EML4: variants seen among roughly 807,000 people sequenced by gnomAD.
EML4 encodes EMAP like 4, also known as echinoderm microtubule-associated protein-like 4.
In EML4, 72 loss-of-function variants were observed where a neutral mutation model predicts 129.0. The observed-to-expected ratio is 0.56, with a 90% CI of 0.46 to 0.68. EML4 has a LOEUF of 0.68. EML4 is among the 30% of genes least tolerant of loss of function. EML4 has a pLI of 0.00. For missense variants in EML4, 1,363 were observed against 1,190.6 expected (o/e 1.14, Z -2.13); for synonymous variants, 532 against 405.0 (o/e 1.31, Z -3.77).
intron 1 of EML4, among the ~76,000 whole-genome samples, chr2:42,243,621 A>G (rs1208002626): frequency 6.6e-6 from 1 of 152,256 alleles, no homozygotes; most frequent in Admixed American, 6.5e-5. Flanking sequence ...AGTCTAGATT[A>G]AAGATGAAAC....
At chr2:42,242,489 A>T (rs1054083539) in intron 1 of EML4, among the ~76,000 whole-genome samples, 2 of 152,132 alleles carry the variant, frequency 1.3e-5, no homozygotes, top group African/African-American at 4.8e-5. Flanking sequence ...TATTTTTGAC[A>T]GTCCTAGGGT....
At chr2:42,280,761 T>C in intron 6 of EML4, 89 bp from the exon 7 acceptor site, 1 of 992,066 alleles carries the variant, frequency 1.0e-6, no homozygotes, top group Non-Finnish European at 1.5e-6. Context: ...CATTTTTGTC[T>C]TGTTTTTATT....
chr2:42,177,275 T>G (rs771901079), intron 1 of EML4, among the ~76,000 whole-genome samples: 6 of 151,016 alleles, frequency 4.0e-5, no homozygotes, highest in Admixed American at 6.6e-5. Flanking sequence ...TTTAAAGAAA[T>G]GACATTTGAA....
In EML4 at chr2:42,331,834, G is replaced by T; in HGVS notation, c.*1627G>T. 1 of 221,328 alleles carries T rather than the reference G, an allele frequency of 4.5e-6. No homozygotes were observed. The highest frequency in any genetic ancestry group is 9.1e-6 in the Non-Finnish European group (1 of 110,206). 13.7% of individuals were successfully genotyped at this position (221,328 alleles called of 1,614,324 possible). ...GTGAAGGGGCGAGTGGAGACACTGTGTGTATCTCTAGATAAGAAGATATGC... is the reference window on the plus strand; with the variant it reads ...GTGAAGGGGCGAGTGGAGACACTGTTTGTATCTCTAGATAAGAAGATATGC... On this transcript the variant is annotated 3_prime_UTR_variant, in exon 23 of 23. Coordinates refer to ENST00000318522, the MANE Select transcript of EML4 (RefSeq NM_019063.5).
At chr2:42,195,828 A>AT (rs1299758885) in intron 1 of EML4, among the ~76,000 whole-genome samples, 1 of 152,034 alleles carries the variant, frequency 6.6e-6, no homozygotes, top group African/African-American at 2.4e-5. Context: ...GTTATTGGAG[A>AT]TTTTTTTCTC....
chr2:42,300,842 G>C (rs1408836716), intron 13 of EML4, among the ~76,000 whole-genome samples: 1 of 152,140 alleles, frequency 6.6e-6, no homozygotes, highest in Non-Finnish European at 1.5e-5. Context: ...CCCCTAAGCT[G>C]CTCCTGTACC....
chr2:42,256,967 T>C (rs1223835056), intron 3 of EML4, among the ~76,000 whole-genome samples: 1 of 152,254 alleles, frequency 6.6e-6, no homozygotes, highest in African/African-American at 2.4e-5. Flanking sequence ...GCAAGTGATA[T>C]ATTTGATACA....
chr2:42,260,156 C>T (rs1294978156), intron 3 of EML4, among the ~76,000 whole-genome samples: 1 of 151,772 alleles, frequency 6.6e-6, no homozygotes, highest in African/African-American at 2.4e-5. Flanking sequence ...TGAGCCACCA[C>T]ACCCGGGCTC....
intron 1 of EML4, among the ~76,000 whole-genome samples, chr2:42,180,717 C>T (rs1670885253): frequency 6.6e-6 from 1 of 152,236 alleles, no homozygotes; most frequent in African/African-American, 2.4e-5. Flanking sequence ...CATATTACAA[C>T]CAACAGAATC....
At chr2:42,236,973 T>C (rs1674717891) in intron 1 of EML4, among the ~76,000 whole-genome samples, 1 of 152,226 alleles carries the variant, frequency 6.6e-6, no homozygotes, top group African/African-American at 2.4e-5. Context: ...ATGAGGTGTT[T>C]AGAAAGACTG....
At chr2:42,315,936 A>G (rs1273824970) in intron 17 of EML4, 26 bp from the exon 18 acceptor site, 1 of 1,557,204 alleles carries the variant, frequency 6.4e-7, no homozygotes. Flanking sequence ...TATCTGAAGA[A>G]AATTTTGATT....
intron 11 of EML4, among the ~76,000 whole-genome samples, chr2:42,292,207 G>A (rs1178956184): frequency 6.6e-6 from 1 of 152,170 alleles, no homozygotes; most frequent in Non-Finnish European, 1.5e-5. Context: ...GTGAATTTAG[G>A]AACAATTTAG....
intron 1 of EML4, among the ~76,000 whole-genome samples, chr2:42,225,324 C>A (rs1401425336): frequency 6.6e-6 from 1 of 152,044 alleles, no homozygotes; most frequent in Non-Finnish European, 1.5e-5. Flanking sequence ...TGAGGAAATG[C>A]CCACTGTTTT....
At chr2:42,230,070 G>C (rs1674233633) in intron 1 of EML4, among the ~76,000 whole-genome samples, 1 of 151,992 alleles carries the variant, frequency 6.6e-6, no homozygotes, top group East Asian at 1.9e-4. Flanking sequence ...CTAATAAAGG[G>C]GGTTCTTATC....
chr2:42,250,161 A>G (rs748000377), intron 2 of EML4, among the ~76,000 whole-genome samples: 2 of 152,250 alleles, frequency 1.3e-5, no homozygotes, highest in Non-Finnish European at 2.9e-5. Context: ...TGAAGTTGGC[A>G]GTCAGTCATG....
At chr2:42,273,541 C>G (rs1666489693) in intron 6 of EML4, among the ~76,000 whole-genome samples, 1 of 152,106 alleles carries the variant, frequency 6.6e-6, no homozygotes, top group Non-Finnish European at 1.5e-5. Context: ...ATGGTTATGT[C>G]TCCAATCTAA....
chr2:42,195,420 A>T (rs1671841190), intron 1 of EML4, among the ~76,000 whole-genome samples: 1 of 152,228 alleles, frequency 6.6e-6, no homozygotes, highest in South Asian at 2.1e-4. Flanking sequence ...GATTTTAGTA[A>T]ACATTAGAAA....
At chr2:42,229,075 C>T (rs969619155) in intron 1 of EML4, among the ~76,000 whole-genome samples, 1 of 151,882 alleles carries the variant, frequency 6.6e-6, no homozygotes, top group Non-Finnish European at 1.5e-5. Flanking sequence ...TGATCGTGTA[C>T]CCTAGGTACC....
At chr2:42,214,040 T>TA (rs1673032570) in intron 1 of EML4, among the ~76,000 whole-genome samples, 1 of 152,198 alleles carries the variant, frequency 6.6e-6, no homozygotes, top group African/African-American at 2.4e-5. Flanking sequence ...GGGTAACACA[T>TA]ATGTTTTGTG....
Sources: gnomAD v4.1 joint callset for allele counts (sites outside exome capture counted in the v4.1 genomes callset) on GRCh38, gnomAD v4.1.1 for gene constraint, MANE v1.5 for transcripts, NCBI Gene and HGNC (gene_info 2026-07-23, HGNC 2026-07-21) for gene names.